The following ARMH4 variants were observed in gnomAD, a reference collection of about 807,000 sequenced individuals.
The protein encoded by ARMH4 is armadillo-like helical domain-containing protein 4.
ARMH4 carries 49 observed loss-of-function variants against 61.9 expected under a neutral mutation model. That is an observed-to-expected ratio of 0.79 (90% confidence interval 0.63 to 1.00). The LOEUF (loss-of-function observed/expected upper bound fraction) is 1.00, where lower values mean the gene tolerates loss of function less well. Ranked by LOEUF, ARMH4 falls within the 50% of genes least tolerant of loss-of-function variation. The pLI is 0.00. For missense variants in ARMH4, 934 were observed against 930.0 expected, an observed-to-expected ratio of 1.00 and a Z score of -0.06; for synonymous variants, 368 against 341.5, an observed-to-expected ratio of 1.08 and a Z score of -0.85.
chr14:58,063,085 G>A (rs1018870239), intron 5 of ARMH4, among the ~76,000 whole-genome samples: 1 of 152,212 alleles, frequency 6.6e-6, no homozygotes, highest in African/African-American at 2.4e-5. Flanking sequence ...GGAGGTAGAG[G>A]AGGGTCCTTC....
intron 4 of ARMH4, among the ~76,000 whole-genome samples, chr14:58,126,298 G>A (rs976350853): frequency 6.6e-6 from 1 of 152,208 alleles, no homozygotes; most frequent in Non-Finnish European, 1.5e-5. Flanking sequence ...TCAGTCACCT[G>A]AATGAAGGCA....
chr14:58,133,486 A>T, intron 2 of ARMH4, 145 bp from the exon 3 acceptor site: 1 of 714,220 alleles, frequency 1.4e-6, no homozygotes, highest in South Asian at 2.0e-5. Flanking sequence ...CAGAAGTAAA[A>T]TGACAGTAAA....
At chr14:58,102,229 G>C (rs1438533104) in intron 4 of ARMH4, among the ~76,000 whole-genome samples, 1 of 152,110 alleles carries the variant, frequency 6.6e-6, no homozygotes, top group East Asian at 1.9e-4. Flanking sequence ...ATGAGTTATG[G>C]GGTAGAGAAA....
intron 6 of ARMH4, among the ~76,000 whole-genome samples, chr14:58,011,333 G>A (rs1193894157): frequency 6.6e-6 from 1 of 152,036 alleles, no homozygotes; most frequent in Admixed American, 6.6e-5. Context: ...ATTGACTGCA[G>A]GTAATAAAAA....
At chr14:58,145,996 A>G (rs916839877) in intron 1 of ARMH4, among the ~76,000 whole-genome samples, 1 of 152,238 alleles carries the variant, frequency 6.6e-6, no homozygotes, top group Admixed American at 6.5e-5. Context: ...ATGTCCCACA[A>G]TGGGAGTTAC....
At chr14:58,021,423 T>C (rs531318733) in intron 5 of ARMH4, among the ~76,000 whole-genome samples, 6 of 152,342 alleles carry the variant, frequency 3.9e-5, no homozygotes, top group Admixed American at 2.0e-4. Context: ...CCTTCTGCCA[T>C]GATTGTGAGG....
chr14:58,120,180 A>G (rs1566589347), intron 4 of ARMH4, among the ~76,000 whole-genome samples: 1 of 152,192 alleles, frequency 6.6e-6, no homozygotes, highest in Non-Finnish European at 1.5e-5. Flanking sequence ...GGCAACTGTA[A>G]CACAATGGTA....
chr14:58,123,200 A>T (rs1283310216), intron 4 of ARMH4, among the ~76,000 whole-genome samples: 1 of 152,152 alleles, frequency 6.6e-6, no homozygotes, highest in Non-Finnish European at 1.5e-5. Flanking sequence ...TTCTAGCAAA[A>T]GCAGGGGCCA....
At chr14:58,067,788 T>C (rs890050050) in intron 5 of ARMH4, among the ~76,000 whole-genome samples, 1 of 152,240 alleles carries the variant, frequency 6.6e-6, no homozygotes, top group Non-Finnish European at 1.5e-5. Context: ...TTACTCCTTT[T>C]AGCCAACCAG....
chr14:58,084,615 G>A (rs1416964812), intron 5 of ARMH4, among the ~76,000 whole-genome samples: 3 of 152,166 alleles, frequency 2.0e-5, no homozygotes, highest in African/African-American at 7.2e-5. Flanking sequence ...CCTCTTTCAA[G>A]AGAAGCAGCT....
chr14:58,092,420 G>A (rs551238927), intron 5 of ARMH4, among the ~76,000 whole-genome samples: 220 of 152,296 alleles, frequency 1.4e-3, no homozygotes, highest in African/African-American at 5.0e-3. Context: ...GCTGCAAAAC[G>A]CTGCTGCTCC....
intron 4 of ARMH4, among the ~76,000 whole-genome samples, chr14:58,107,399 G>C (rs1340278246): frequency 1.3e-5 from 2 of 152,122 alleles, no homozygotes; most frequent in African/African-American, 4.8e-5. Flanking sequence ...ATTTATTCAT[G>C]AGTTTTACAT....
rs575737239 is a variant in ARMH4 at position 58,068,772 on chromosome 14, C to T, written c.2089+27952G>A. Among the ~76,000 whole-genome samples the T allele has an allele frequency of 6.6e-5, 10 of 152,058 alleles. No individual in the cohort carries two copies. In the South Asian group the frequency reaches 1.7e-3, roughly 25 times the overall value. On this transcript the variant is annotated intron_variant, in intron 5 of 7. Transcript: ENST00000267485. ...CTGTAATCCCAACACTTTGAGAGGC[C>T]GAGGCAGGCAGATCACCTGAGGTCA...
chr14:58,058,443 T>C (rs572829852), intron 5 of ARMH4, among the ~76,000 whole-genome samples: 2 of 152,274 alleles, frequency 1.3e-5, no homozygotes, highest in Admixed American at 1.3e-4. Context: ...TTTATGTTTA[T>C]TTCTTGATTA....
At chr14:58,114,897 G>T (rs1886469317) in intron 4 of ARMH4, among the ~76,000 whole-genome samples, 1 of 152,082 alleles carries the variant, frequency 6.6e-6, no homozygotes, top group Admixed American at 6.6e-5. Context: ...AAATGCAGAA[G>T]ATTGAAACCG....
At chr14:58,080,460 C>T (rs941635899) in intron 5 of ARMH4, among the ~76,000 whole-genome samples, 14 of 152,144 alleles carry the variant, frequency 9.2e-5, no homozygotes, top group African/African-American at 2.7e-4. Flanking sequence ...CTAAAGAATT[C>T]TGTCTGTAAT....
chr14:58,019,482 T>G (rs920685371), intron 5 of ARMH4, among the ~76,000 whole-genome samples: 2 of 152,148 alleles, frequency 1.3e-5, no homozygotes, highest in Non-Finnish European at 2.9e-5. Flanking sequence ...GCCAGCACCC[T>G]CTTGTGTATA....
intron 4 of ARMH4, chr14:58,116,359 T>C: frequency 2.8e-6 from 1 of 362,572 alleles, no homozygotes. Flanking sequence ...TTGGATTCAA[T>C]TTCCATTTCA....
intron 5 of ARMH4, among the ~76,000 whole-genome samples, chr14:58,095,150 C>T (rs1247441626): frequency 6.6e-6 from 1 of 152,144 alleles, no homozygotes; most frequent in Non-Finnish European, 1.5e-5. Flanking sequence ...TCTTTGATCA[C>T]AATCCAGGGT....
Sources: gnomAD v4.1 joint callset for allele counts (sites outside exome capture counted in the v4.1 genomes callset) on GRCh38, gnomAD v4.1.1 for gene constraint, MANE v1.5 for transcripts, NCBI Gene and HGNC (gene_info 2026-07-23, HGNC 2026-07-21) for gene names.